Variants in HEPHL1 observed in about 807,000 individuals in gnomAD.
HEPHL1 encodes ferroxidase HEPHL1.
A neutral mutation model predicts 122.0 loss-of-function variants in HEPHL1; 123 were observed. The observed-to-expected ratio is 1.01, with a 90% confidence interval of 0.87 to 1.17. The LOEUF (loss-of-function observed/expected upper bound fraction) is 1.17, where lower values mean the gene tolerates loss of function less well. Among genes scored for constraint, HEPHL1 ranks in the 50% most tolerant of loss-of-function variants. The pLI, the probability that HEPHL1 is intolerant of heterozygous loss-of-function variation, is 0.00. For missense variants in HEPHL1, 1,452 were observed against 1,430.5 expected (o/e 1.01, Z -0.24); for synonymous variants, 527 against 508.9 (o/e 1.04, Z -0.48).
rs541253114 is a variant in HEPHL1 at position 94,067,666 on chromosome 11, C to T, written c.979C>T (p.Pro327Ser). 1 of 1,613,726 alleles carries T rather than the reference C, an allele frequency of 6.2e-7. No individual in the cohort carries two copies. The highest frequency in any genetic ancestry group is 1.7e-5 in the Admixed American group (1 of 59,996). Reference protein sequence around the residue: ...GHRTDVVNLFPATFLTTEMIA... With the variant: ...GHRTDVVNLFSATFLTTEMIA... The stretch of plus-strand genomic sequence containing the variant: ...TCGGACTGATGTCGTCAACCTGTTC[C>T]CAGCCACCTTCCTTACAACAGAAAT... The change falls in exon 5 of 20, where the codon CCA becomes TCA. Residue 327 changes from proline (P) to serine (S), a missense_variant. By Grantham distance (74) the Pro-to-Ser change is moderately conservative (BLOSUM62 -1). Transcript: ENST00000315765.
intron 1 of HEPHL1, among the ~76,000 whole-genome samples, chr11:94,025,069 C>G (rs765186441): frequency 6.6e-6 from 1 of 152,092 alleles, no homozygotes; most frequent in Non-Finnish European, 1.5e-5. Context: ...TCCTTATGCA[C>G]AAGGACGAGA....
chr11:94,059,567 A>G lies in HEPHL1; in HGVS notation c.416-3941A>G, dbSNP rs1945966718. 2.0e-5 allele frequency among the ~76,000 whole-genome samples: 3 copies of G among 152,318 alleles called. No individual in the cohort carries two copies. In the South Asian group the frequency reaches 6.2e-4, roughly 32 times the overall value. ...TAAAAGCTCACACAGCCTAGAACAT[A>G]TATAAGCAAATAAATAGTGTTTTAT... On this transcript the variant is annotated intron_variant, in intron 2 of 19. Coordinates refer to ENST00000315765, the MANE Select transcript of HEPHL1 (RefSeq NM_001098672.2).
chr11:94,057,013 C>T (rs1195902061), intron 2 of HEPHL1, among the ~76,000 whole-genome samples: 6 of 151,982 alleles, frequency 3.9e-5, no homozygotes, highest in African/African-American at 7.2e-5. Flanking sequence ...TTTGAGGGAT[C>T]GTTTTGCTGG....
At chr11:94,078,446 CATATATATATATATAT>C (rs6144452) in intron 9 of HEPHL1, among the ~76,000 whole-genome samples, 60,970 of 111,646 alleles carry the variant, frequency 0.55, 14,799 homozygotes, top group Middle Eastern at 0.64. Flanking sequence ...TCAGATGTTC[CATATATATATATATAT>C]ATATATATAT....
In HEPHL1 at chr11:94,073,132, T is replaced by A; in HGVS notation, c.1340T>A (p.Leu447His). Residue 447 changes from leucine to histidine, a missense_variant, in exon 7 of 20, where the codon CTC (leucine) becomes CAC (histidine). By Grantham distance (99) the Leu-to-His change is moderately conservative. Coordinates refer to ENST00000315765, the MANE Select transcript of HEPHL1 (RefSeq NM_001098672.2). ...VDATFTKRKR[L>H]SAEEAHLGIL... ...GCAACTTTTACTAAAAGAAAGAGAC[T>A]CTCTGCTGAAGAAGCCCATCTTGGA... 1 of 1,613,200 alleles carries A rather than the reference T, an allele frequency of 6.2e-7. No individual in the cohort carries two copies. Among genetic ancestry groups the A allele is most frequent in the Non-Finnish European group, 8.5e-7 (1 of 1,179,462 alleles).
intron 18 of HEPHL1, 73 bp downstream of exon 18, chr11:94,111,138 CA>C: frequency 2.3e-6 from 3 of 1,304,298 alleles, no homozygotes; most frequent in East Asian, 2.5e-5. Context: ...GGAGGCATGA[CA>C]AAAACCCAGA....
rs1237836381 is a variant in HEPHL1, at chr11:94,088,946, C to T, written c.2272C>T (p.His758Tyr). ...PNKNWEFEKQ[H>Y]VDARGERHGD... ...CAAAAACTGGGAGTTCGAAAAGCAG[C>T]ACGTGGACGCAAGAGGGGAAAGGTA... The change falls in exon 12 of 20, where the codon CAC becomes TAC. Residue 758 changes from histidine (H) to tyrosine (Y), a missense_variant. His to Tyr is a moderately conservative substitution (Grantham distance 83). Coordinates refer to ENST00000315765, the MANE Select transcript of HEPHL1 (RefSeq NM_001098672.2). 1.9e-6 allele frequency: 3 copies of T among 1,613,834 alleles called. No individual in the cohort carries two copies. Among genetic ancestry groups the T allele is most frequent in the Non-Finnish European group, 2.5e-6 (3 of 1,179,874 alleles).
At chr11:94,095,419 C>G (rs1173692807) in intron 13 of HEPHL1, among the ~76,000 whole-genome samples, 2 of 152,188 alleles carry the variant, frequency 1.3e-5, no homozygotes, top group Non-Finnish European at 2.9e-5. Flanking sequence ...AGTTTGAAGT[C>G]AGGTAGCATG....
At chr11:94,065,317 G>A (rs1263971643) in intron 4 of HEPHL1, among the ~76,000 whole-genome samples, 1 of 152,166 alleles carries the variant, frequency 6.6e-6, no homozygotes, top group Non-Finnish European at 1.5e-5. Context: ...AGGAATAGAA[G>A]GAGCTGAAGA....
chr11:94,037,744 A>G (rs1435874051), intron 1 of HEPHL1, among the ~76,000 whole-genome samples: 1 of 151,896 alleles, frequency 6.6e-6, no homozygotes, highest in Non-Finnish European at 1.5e-5. Context: ...AAAGACGAAA[A>G]GTAGATAAAA....
chr11:94,066,102 G>A (rs1354273952), intron 4 of HEPHL1, among the ~76,000 whole-genome samples: 3 of 152,196 alleles, frequency 2.0e-5, no homozygotes, highest in Non-Finnish European at 2.9e-5. Context: ...TGATGCTGAG[G>A]TCAGAGGATT....
chr11:94,101,103 C>A, intron 13 of HEPHL1, 92 bp from the exon 14 acceptor site: 1 of 1,414,170 alleles, frequency 7.1e-7, no homozygotes, highest in Non-Finnish European at 9.8e-7. Flanking sequence ...TAAAGCCAAA[C>A]TATTTTATTT....
At position 94,110,906 on chromosome 11, in the gene HEPHL1, G is replaced by C; in HGVS notation, c.3049G>C (p.Asp1017His). ...YHAESFLFKIDKSYREDVYDL... is the reference protein window; with the variant it reads ...YHAESFLFKIHKSYREDVYDL... ...GTTTTTTAAAACGTTTTTGCAGATA[G>C]ATAAATCTTACCGAGAAGATGTGTA... The change falls in exon 18 of 20, where the codon GAT becomes CAT. Residue 1017 changes from aspartate (D) to histidine (H), a missense_variant. By Grantham distance (81) the Asp-to-His change is moderately conservative. Transcript: ENST00000315765. The C allele has an allele frequency of 6.2e-7, 1 of 1,610,868 alleles. No individual in the cohort carries two copies. The highest frequency in any genetic ancestry group is 8.5e-7 in the Non-Finnish European group (1 of 1,178,276).
chr11:94,100,689 C>T (rs146749121), intron 13 of HEPHL1, among the ~76,000 whole-genome samples: 1 of 152,122 alleles, frequency 6.6e-6, no homozygotes, highest in African/African-American at 2.4e-5. Flanking sequence ...CATCCATTTA[C>T]CAGATAATGA....
intron 1 of HEPHL1, among the ~76,000 whole-genome samples, chr11:94,035,300 C>A (rs1405593869): frequency 6.6e-6 from 1 of 152,184 alleles, no homozygotes; most frequent in Non-Finnish European, 1.5e-5. Context: ...GTTCCTTCCT[C>A]TTGACTACAA....
chr11:94,046,091 C>CTTTTTGTTTTTTTT (rs1945834325), intron 2 of HEPHL1, among the ~76,000 whole-genome samples, 174 bp downstream of exon 2: 1 of 65,048 alleles, frequency 1.5e-5, no homozygotes, highest in Non-Finnish European at 2.6e-5. Flanking sequence ...CCCTTTCTTG[C>CTTTTTGTTTTTTTT]TTTTTTTTTT....
intron 17 of HEPHL1, among the ~76,000 whole-genome samples, chr11:94,106,348 A>C (rs1015209377): frequency 1.4e-5 from 2 of 145,354 alleles, no homozygotes; most frequent in African/African-American, 5.1e-5. Flanking sequence ...GGCGGAGTGC[A>C]GTGGCACAAT....
In HEPHL1 at chr11:94,111,781, G is replaced by A. The variant is rs1946452123; in HGVS notation, c.3367G>A (p.Gly1123Arg). Residue 1123 changes from glycine (G) to arginine (R), a missense_variant, in exon 20 of 20, where the codon GGA becomes AGA. Gly to Arg is a moderately radical substitution (Grantham distance 125). Coordinates refer to ENST00000315765, the MANE Select transcript of HEPHL1 (RefSeq NM_001098672.2). Reference protein sequence around the residue: ...KAALVILFIIGLLLLITTVIL... With the variant: ...KAALVILFIIRLLLLITTVIL... ...AGCCTTGGTCATCCTTTTCATCATT[G>A]GACTCCTCCTTCTAATCACCACGGT... is the stretch of plus-strand genomic sequence containing the variant. 1 of 1,592,452 alleles carries A rather than the reference G, an allele frequency of 6.3e-7. No individual in the cohort carries two copies. Among genetic ancestry groups the A allele is most frequent in the African/African-American group, 1.3e-5 (1 of 74,132 alleles).
intron 2 of HEPHL1, among the ~76,000 whole-genome samples, chr11:94,053,492 G>T (rs368708555): frequency 6.6e-6 from 1 of 151,090 alleles, no homozygotes; most frequent in South Asian, 2.1e-4. Context: ...CTTTCTACTT[G>T]CTTTGGGTTT....
Sources: gnomAD v4.1 joint callset for allele counts (sites outside exome capture counted in the v4.1 genomes callset) on GRCh38, gnomAD v4.1.1 for gene constraint, MANE v1.5 for transcripts, NCBI Gene and HGNC (gene_info 2026-07-23, HGNC 2026-07-21) for gene names.